NLN: variants seen among roughly 807,000 people sequenced by gnomAD.
NLN encodes neurolysin, mitochondrial.
NLN carries 64 observed loss-of-function variants against 79.9 expected under a neutral mutation model. The ratio of observed to expected loss-of-function variants is 0.80; its 90% CI spans 0.65 to 0.99. The LOEUF (loss-of-function observed/expected upper bound fraction) is 0.99. Ranked by LOEUF, NLN falls within the 50% of genes least tolerant of loss-of-function variation. The probability of loss-of-function intolerance (pLI) is 0.00; values close to 1 mark genes in which losing one functional copy is unlikely to be tolerated. For missense variants in NLN, 835 were observed against 858.7 expected, an observed-to-expected ratio of 0.97 and a Z score of 0.34; for synonymous variants, 267 against 296.6, an observed-to-expected ratio of 0.90 and a Z score of 1.02.
At chr5:65,754,647 C>A (rs1168770744) in intron 1 of NLN, among the ~76,000 whole-genome samples, 1 of 152,082 alleles carries the variant, frequency 6.6e-6, no homozygotes, top group African/African-American at 2.4e-5. Context: ...TCCACTGAAC[C>A]CTGACAAAAA....
Position 65,822,785 on chromosome 5 carries a change from G to C in NLN, c.1985G>C (p.Gly662Ala). 15 of 1,609,574 alleles carry C rather than the reference G, an allele frequency of 9.3e-6. No homozygotes were observed. The highest frequency in any genetic ancestry group is 1.2e-5 in the Non-Finnish European group (14 of 1,175,932). ...TATGATGTTTTATTTTATTAGGTTG[G>C]AATGAAATACAGAAACCTAATCCTG... is the stretch of plus-strand genomic sequence containing the variant. ...KKEGIMNPEV[G>A]MKYRNLILKP... The change falls in exon 13 of 13, where the codon GGA (glycine) becomes GCA (alanine). Residue 662 changes from glycine to alanine, a missense_variant. Gly to Ala is a moderately conservative substitution (Grantham distance 60, BLOSUM62 0). Transcript: ENST00000380985.
chr5:65,783,784 G>T lies in NLN; in HGVS notation c.823-1991G>T, dbSNP rs10073167. 4.1e-3 allele frequency among the ~76,000 whole-genome samples: 617 copies of T among 151,482 alleles called. 7 individuals carry two copies. The highest frequency in any genetic ancestry group is 0.014 in the African/African-American group (594 of 41,292). On this transcript the variant is annotated intron_variant, in intron 6 of 12. Transcript: ENST00000380985. ...ATATTGGGAGAAAATTGGCAGTCTA[G>T]AGAGAAGATCTGGAGAAACTGCAAA...
rs1760949467 is a variant in NLN, at chr5:65,827,929, A to C, written c.*5014A>C. The C allele has an allele frequency of 6.6e-6, 1 of 152,252 alleles. No individual in the cohort carries two copies. The highest frequency in any genetic ancestry group is 1.9e-4 in the East Asian group (1 of 5,198). The allele number at this position is 152,252 out of a possible 1,614,324, so 9.4% of individuals were successfully genotyped here. On this transcript the variant is annotated 3_prime_UTR_variant, in exon 13 of 13. Transcript: ENST00000380985. Reference sequence around the variant, plus strand: ...CTACTCAGGAGGCTGAGGCAGAAGAATCATTTGAACCCCGGAGGTGGAGGT... The same window carrying C: ...CTACTCAGGAGGCTGAGGCAGAAGACTCATTTGAACCCCGGAGGTGGAGGT...
At chr5:65,783,644 G>T (rs1056094174) in intron 6 of NLN, among the ~76,000 whole-genome samples, 1 of 151,180 alleles carries the variant, frequency 6.6e-6, no homozygotes, top group South Asian at 2.1e-4. Flanking sequence ...AGGATTGCTT[G>T]AGGCCAGGAG....
At chr5:65,794,688 G>A (rs1554033547) in intron 9 of NLN, among the ~76,000 whole-genome samples, 1 of 152,132 alleles carries the variant, frequency 6.6e-6, no homozygotes. Context: ...TTTGATTTAT[G>A]TGAATAGTCC....
intron 3 of NLN, among the ~76,000 whole-genome samples, chr5:65,770,216 A>G (rs1759538340): frequency 6.6e-6 from 1 of 152,264 alleles, no homozygotes; most frequent in Non-Finnish European, 1.5e-5. Flanking sequence ...CTATGTTAAT[A>G]TAACTTCTAT....
chr5:65,748,473 A>C (rs1207496892), intron 1 of NLN, among the ~76,000 whole-genome samples: 3 of 151,894 alleles, frequency 2.0e-5, no homozygotes, highest in African/African-American at 7.3e-5. Flanking sequence ...TAAGGAAGTG[A>C]TGTTGGCTGG....
At chr5:65,810,400 T>C (rs73103212) in intron 11 of NLN, among the ~76,000 whole-genome samples, 366 of 152,344 alleles carry the variant, frequency 2.4e-3, no homozygotes, top group African/African-American at 8.2e-3. Context: ...GCATGAGCAG[T>C]TGGCCTCCGC....
chr5:65,753,729 G>T (rs77117246), intron 1 of NLN, among the ~76,000 whole-genome samples: 2 of 151,832 alleles, frequency 1.3e-5, no homozygotes, highest in African/African-American at 2.4e-5. Flanking sequence ...AAGAGGAGTG[G>T]TGAAAAGAAC....
At chr5:65,768,599 C>G (rs1404468822) in intron 3 of NLN, among the ~76,000 whole-genome samples, 2 of 152,224 alleles carry the variant, frequency 1.3e-5, no homozygotes, top group Admixed American at 6.5e-5. Context: ...TAGACTGAAT[C>G]CTTTAAATGA....
intron 9 of NLN, among the ~76,000 whole-genome samples, chr5:65,806,787 T>C (rs1343198019): frequency 6.6e-6 from 1 of 152,194 alleles, no homozygotes; most frequent in African/African-American, 2.4e-5. Context: ...CTGTTGTGGG[T>C]GAAATGCTAT....
At chr5:65,815,568 T>A (rs576097893) in intron 12 of NLN, among the ~76,000 whole-genome samples, 1 of 152,316 alleles carries the variant, frequency 6.6e-6, no homozygotes, top group South Asian at 2.1e-4. Flanking sequence ...CACTTTTTCC[T>A]TTCCTTTCAA....
chr5:65,797,600 G>A (rs1760198943), intron 9 of NLN, among the ~76,000 whole-genome samples: 1 of 152,028 alleles, frequency 6.6e-6, no homozygotes, highest in Non-Finnish European at 1.5e-5. Context: ...CAGAAAATGG[G>A]GACAACAGCA....
At chr5:65,764,847 G>A (rs1301144530) in intron 3 of NLN, among the ~76,000 whole-genome samples, 1 of 152,118 alleles carries the variant, frequency 6.6e-6, no homozygotes. Context: ...TGCATTGAAG[G>A]TCATTAGGTG....
At chr5:65,739,123 G>C (rs182196510) in intron 1 of NLN, among the ~76,000 whole-genome samples, 3 of 148,334 alleles carry the variant, frequency 2.0e-5, no homozygotes, top group Non-Finnish European at 4.4e-5. Context: ...GGCTGGTTTC[G>C]AACTTCTGAC....
chr5:65,801,733 C>T (rs144898804), intron 9 of NLN, among the ~76,000 whole-genome samples: 21 of 152,246 alleles, frequency 1.4e-4, no homozygotes, highest in African/African-American at 3.9e-4. Context: ...ATAGAATAAG[C>T]GCTCTCTTCT....
intron 1 of NLN, among the ~76,000 whole-genome samples, chr5:65,724,400 C>T (rs576100297): frequency 1.3e-5 from 2 of 152,112 alleles, no homozygotes; most frequent in African/African-American, 4.8e-5. Flanking sequence ...AAGGTTTATT[C>T]GTTTTGAAGC....
At position 65,822,784 on chromosome 5, in the gene NLN, G is replaced by A. The variant is rs761814866; in HGVS notation, c.1984G>A (p.Gly662Arg). The A allele has an allele frequency of 1.2e-5, 20 of 1,608,694 alleles. No individual in the cohort carries two copies. In the East Asian group the frequency reaches 4.5e-4, roughly 36 times the overall value. ...GTATGATGTTTTATTTTATTAGGTTGGAATGAAATACAGAAACCTAATCCT... is the reference window on the plus strand; with the variant it reads ...GTATGATGTTTTATTTTATTAGGTTAGAATGAAATACAGAAACCTAATCCT... ...KKEGIMNPEV[G>R]MKYRNLILKP... is the part of the protein sequence containing the mutation. The change falls in exon 13 of 13, where the codon GGA becomes AGA. Residue 662 changes from glycine to arginine, a missense_variant. Physicochemically the swap from Gly to Arg is moderately radical, Grantham distance 125. Coordinates refer to ENST00000380985, the MANE Select transcript of NLN (RefSeq NM_020726.5).
intron 9 of NLN, among the ~76,000 whole-genome samples, chr5:65,802,613 C>T (rs1385152748): frequency 1.3e-5 from 2 of 152,178 alleles, no homozygotes; most frequent in Admixed American, 1.3e-4. Flanking sequence ...TTCGGCAGGT[C>T]CCGAGTTCCT....
Sources: allele counts gnomAD v4.1 joint callset (sites outside exome capture counted in the v4.1 genomes callset), GRCh38; gene constraint gnomAD v4.1.1; transcripts MANE v1.5; gene names NCBI Gene and HGNC (gene_info 2026-07-23, HGNC 2026-07-21).